The following RAPGEF4 variants were observed in gnomAD, a reference collection of about 807,000 sequenced individuals.
RAPGEF4 encodes Rap guanine nucleotide exchange factor 4, also known as RAP guanine-nucleotide-exchange factor (GEF) 4.
In RAPGEF4, 66 loss-of-function variants were observed where a neutral mutation model predicts 147.9. That is an observed-to-expected ratio of 0.45 (90% CI 0.37 to 0.55). RAPGEF4 has a LOEUF of 0.55. Ranked by LOEUF, RAPGEF4 falls within the 20% of genes least tolerant of loss-of-function variation. The probability of loss-of-function intolerance (pLI) is 0.00; values close to 1 mark genes in which losing one functional copy is unlikely to be tolerated. For synonymous variants in RAPGEF4, 419 were observed against 442.7 expected (o/e 0.95, Z 0.67); for missense variants, 1,071 against 1,257.3 (o/e 0.85, Z 2.24).
At chr2:173,047,886 C>T (rs1414838310) in intron 29 of RAPGEF4, among the ~76,000 whole-genome samples, 1 of 152,120 alleles carries the variant, frequency 6.6e-6, no homozygotes, top group Non-Finnish European at 1.5e-5. Flanking sequence ...CCGTGTTAGC[C>T]AGGATGGTCT....
chr2:173,010,585 G>T (rs1381426092), intron 17 of RAPGEF4, among the ~76,000 whole-genome samples: 2 of 152,178 alleles, frequency 1.3e-5, no homozygotes, highest in Non-Finnish European at 2.9e-5. Flanking sequence ...AAGGGAACTA[G>T]TAGGATATTC....
At chr2:172,864,244 A>G (rs1357002790) in intron 4 of RAPGEF4, among the ~76,000 whole-genome samples, 3 of 152,224 alleles carry the variant, frequency 2.0e-5, no homozygotes, top group African/African-American at 7.2e-5. Context: ...TAGCTGGGGC[A>G]AAAGTTGAGA....
intron 6 of RAPGEF4, among the ~76,000 whole-genome samples, chr2:172,947,066 A>G (rs1575336012): frequency 1.3e-5 from 2 of 152,172 alleles, no homozygotes; most frequent in South Asian, 4.1e-4. Flanking sequence ...TTCAGCTTGT[A>G]CCTCCAGAAG....
intron 10 of RAPGEF4, among the ~76,000 whole-genome samples, chr2:172,969,336 A>C (rs1450735964): frequency 6.6e-6 from 1 of 152,256 alleles, no homozygotes; most frequent in Non-Finnish European, 1.5e-5. Flanking sequence ...GCAGAGGATT[A>C]AGCAACTACT....
intron 1 of RAPGEF4, among the ~76,000 whole-genome samples, chr2:172,750,239 T>G (rs1695146027): frequency 6.6e-6 from 1 of 151,992 alleles, no homozygotes; most frequent in South Asian, 2.1e-4. Flanking sequence ...AGTCTCTGTT[T>G]ATGCTGCTGA....
At position 173,042,418 on chromosome 2, in the gene RAPGEF4, G is replaced by A. The variant is rs1684876476; in HGVS notation, c.2853+5726G>A. ...GGAGACTGAGGCGGGTGGATCATGGGGTCAGGAGTTCAAGACCAGCCTGGT... is the reference window on the plus strand; with the variant it reads ...GGAGACTGAGGCGGGTGGATCATGGAGTCAGGAGTTCAAGACCAGCCTGGT... On this transcript the variant is annotated intron_variant, in intron 29 of 30. Transcript: ENST00000397081. The surrounding 1 kb of genome is among the most constrained non-coding windows in gnomAD (Gnocchi z 4.2). Among the ~76,000 whole-genome samples the A allele has an allele frequency of 6.6e-6, 1 of 152,088 alleles. No homozygotes were observed. Among genetic ancestry groups the A allele is most frequent in the South Asian group, 2.1e-4 (1 of 4,820 alleles).
intron 6 of RAPGEF4, among the ~76,000 whole-genome samples, chr2:172,954,662 C>G (rs1688551444): frequency 6.6e-6 from 1 of 152,144 alleles, no homozygotes; most frequent in Non-Finnish European, 1.5e-5. Flanking sequence ...TTGATGATAA[C>G]TATTACAAGA....
intron 1 of RAPGEF4, among the ~76,000 whole-genome samples, chr2:172,751,040 T>C (rs1418013414): frequency 2.0e-5 from 3 of 152,234 alleles, no homozygotes; most frequent in Non-Finnish European, 1.5e-5. Context: ...GTTTTCTTTA[T>C]CGACTCTTTA....
chr2:172,842,393 T>A (rs1190363350), intron 4 of RAPGEF4, among the ~76,000 whole-genome samples: 2 of 152,238 alleles, frequency 1.3e-5, no homozygotes, highest in Non-Finnish European at 2.9e-5. Flanking sequence ...TATTGTTATA[T>A]AACAGACAAT....
chr2:172,997,025 T>C (rs1693438788), intron 16 of RAPGEF4, among the ~76,000 whole-genome samples: 1 of 152,228 alleles, frequency 6.6e-6, no homozygotes, highest in Non-Finnish European at 1.5e-5. Context: ...GCTGCCCTAA[T>C]GAACTACCAC....
chr2:172,911,394 G>A (rs943974868), intron 4 of RAPGEF4, among the ~76,000 whole-genome samples: 2 of 152,298 alleles, frequency 1.3e-5, no homozygotes, highest in East Asian at 3.9e-4. Flanking sequence ...AAGTCCAGCT[G>A]GGCAAATGGC....
chr2:173,036,659 G>A lies in RAPGEF4; in HGVS notation c.2820G>A (p.Thr940=), dbSNP rs373268327. Residue 940 remains threonine, a synonymous_variant, in exon 29 of 31, where the codon ACG becomes ACA. Coordinates refer to ENST00000397081, the MANE Select transcript of RAPGEF4 (RefSeq NM_007023.4). ...DMTFTHEGNK[T]FIDNLVNFEK... ...CATTTACTCATGAGGGGAACAAGACGTTCATTGACAATCTAGTAAACTTTG... is the reference window on the plus strand; with the variant it reads ...CATTTACTCATGAGGGGAACAAGACATTCATTGACAATCTAGTAAACTTTG... The A allele has an allele frequency of 1.2e-5, 20 of 1,611,258 alleles. No individual in the cohort carries two copies. The highest frequency in any genetic ancestry group is 6.7e-5 in the African/African-American group (5 of 74,792).
At chr2:172,865,105 A>G (rs556644620) in intron 4 of RAPGEF4, among the ~76,000 whole-genome samples, 2 of 152,352 alleles carry the variant, frequency 1.3e-5, no homozygotes, top group South Asian at 4.1e-4. Context: ...GCAGTGCCAG[A>G]GAAAACCACA....
chr2:172,923,808 T>G lies in RAPGEF4; in HGVS notation c.537+1508T>G, dbSNP rs1685008348. Among the ~76,000 whole-genome samples, 4 of 152,164 alleles carry G rather than the reference T, an allele frequency of 2.6e-5. No homozygotes were observed. In the South Asian group the frequency reaches 8.3e-4, roughly 31 times the overall value. ...TAGAGTAGGTAGGCTCAGTAAACATTGGGGCTATTAATGTGGTTAGTATTT... is the reference window on the plus strand; with the variant it reads ...TAGAGTAGGTAGGCTCAGTAAACATGGGGGCTATTAATGTGGTTAGTATTT... On this transcript the variant is annotated intron_variant, in intron 6 of 30. Transcript: ENST00000397081.
intron 30 of RAPGEF4, 35 bp from the exon 31 acceptor site, chr2:173,051,605 C>T: frequency 7.5e-6 from 12 of 1,602,398 alleles, no homozygotes; most frequent in East Asian, 2.2e-5. Context: ...ACATATATTA[C>T]ACAATGCCAA....
intron 4 of RAPGEF4, among the ~76,000 whole-genome samples, chr2:172,825,086 G>A (rs1022166332): frequency 1.3e-5 from 2 of 152,036 alleles, no homozygotes; most frequent in Admixed American, 6.5e-5. Flanking sequence ...GATGCTCCTC[G>A]ACTTATGATG....
At chr2:172,784,754 A>T (rs920560428) in intron 1 of RAPGEF4, among the ~76,000 whole-genome samples, 4 of 152,226 alleles carry the variant, frequency 2.6e-5, no homozygotes, top group African/African-American at 9.7e-5. Context: ...CATCACTGAC[A>T]TTATAAATAC....
chr2:172,804,566 G>GCC, intron 3 of RAPGEF4, among the ~76,000 whole-genome samples: 1 of 152,166 alleles, frequency 6.6e-6, no homozygotes, highest in African/African-American at 2.4e-5. Flanking sequence ...TGGGAACGGG[G>GCC]AGTACCTGGC....
At chr2:172,900,831 A>G (rs776161929) in intron 4 of RAPGEF4, among the ~76,000 whole-genome samples, 2 of 152,134 alleles carry the variant, frequency 1.3e-5, no homozygotes, top group Non-Finnish European at 2.9e-5. Flanking sequence ...TAATACTCAA[A>G]CACCGTCCAT....
Sources: gnomAD v4.1 joint callset for allele counts (sites outside exome capture counted in the v4.1 genomes callset) on GRCh38, gnomAD v4.1.1 for gene constraint, Gnocchi (gnomAD v3.1) non-coding constraint, MANE v1.5 for transcripts, NCBI Gene and HGNC (gene_info 2026-07-23, HGNC 2026-07-21) for gene names.